GRIK4: variants seen among roughly 807,000 people sequenced by gnomAD.
GRIK4 encodes the protein glutamate ionotropic receptor kainate type subunit 4, also known as glutamate receptor ionotropic, kainate 4.
In GRIK4, 40 loss-of-function variants were observed where a neutral mutation model predicts 104.9. The observed-to-expected ratio is 0.38, with a 90% CI of 0.30 to 0.50. The LOEUF (loss-of-function observed/expected upper bound fraction) is 0.50. Ranked by LOEUF, GRIK4 falls within the 20% of genes least tolerant of loss-of-function variation. The pLI is 0.93. For missense variants in GRIK4, 1,047 were observed against 1,308.1 expected, an observed-to-expected ratio of 0.80 and a Z score of 3.08; for synonymous variants, 485 against 524.9, an observed-to-expected ratio of 0.92 and a Z score of 1.04.
At chr11:120,975,505 T>G (rs1404996558) in intron 19 of GRIK4, among the ~76,000 whole-genome samples, 1 of 152,210 alleles carries the variant, frequency 6.6e-6, no homozygotes, top group Non-Finnish European at 1.5e-5. Flanking sequence ...GGTGGCCCCA[T>G]GAGTCTGCAA....
In GRIK4 at chr11:120,953,722, C is replaced by A. The variant is rs1248711565; in HGVS notation, c.1700+758C>A. On this transcript the variant is annotated intron_variant, in intron 15 of 20. Transcript: ENST00000527524. This position sits in a 1 kb window ranked among gnomAD's most constrained non-coding sequence, Gnocchi z 4.9. ...TGTGGCCTCCCAAGACTGTGCACAGCAAAGGTAGTTTCGCTCCAGGCCAAG... is the reference window on the plus strand; with the variant it reads ...TGTGGCCTCCCAAGACTGTGCACAGAAAAGGTAGTTTCGCTCCAGGCCAAG... 6.6e-6 allele frequency among the ~76,000 whole-genome samples: 1 copy of A among 152,198 alleles called. No individual in the cohort carries two copies. The highest frequency in any genetic ancestry group is 1.5e-5 in the Non-Finnish European group (1 of 68,032).
chr11:120,565,169 C>T (rs1948304653), intron 1 of GRIK4, among the ~76,000 whole-genome samples: 2 of 152,130 alleles, frequency 1.3e-5, no homozygotes, highest in Admixed American at 6.5e-5. Context: ...TGCCTGCTCT[C>T]CTGCCAGCGC....
intron 3 of GRIK4, among the ~76,000 whole-genome samples, chr11:120,689,892 C>T (rs1222244154): frequency 6.6e-6 from 1 of 152,210 alleles, no homozygotes; most frequent in Non-Finnish European, 1.5e-5. Context: ...CACCACAGCT[C>T]CTTTGGTGCC....
chr11:120,598,883 G>A (rs541953835), intron 1 of GRIK4, among the ~76,000 whole-genome samples: 2 of 152,152 alleles, frequency 1.3e-5, no homozygotes, highest in Admixed American at 6.5e-5. Context: ...GTTAATGTCC[G>A]GTTGGCCAAA....
intron 6 of GRIK4, among the ~76,000 whole-genome samples, chr11:120,821,964 C>T (rs549538261): frequency 6.6e-6 from 1 of 152,240 alleles, no homozygotes; most frequent in Non-Finnish European, 1.5e-5. Flanking sequence ...AATCCCAACA[C>T]TTTGGAAGGC....
At chr11:120,713,545 A>G (rs540308321) in intron 3 of GRIK4, among the ~76,000 whole-genome samples, 1 of 152,352 alleles carries the variant, frequency 6.6e-6, no homozygotes, top group African/African-American at 2.4e-5. Flanking sequence ...GCTCTTTACC[A>G]GGCGAGGTTT....
chr11:120,647,838 C>T (rs1047773154), intron 1 of GRIK4, among the ~76,000 whole-genome samples: 1 of 152,206 alleles, frequency 6.6e-6, no homozygotes, highest in Non-Finnish European at 1.5e-5. Context: ...GGACATCCTA[C>T]TTCTCCAGGG....
chr11:120,828,953 G>C (rs924119611), intron 6 of GRIK4, among the ~76,000 whole-genome samples: 1 of 152,122 alleles, frequency 6.6e-6, no homozygotes, highest in African/African-American at 2.4e-5. Flanking sequence ...AAGCATCCCC[G>C]GCAGCCTCTG....
intron 3 of GRIK4, among the ~76,000 whole-genome samples, chr11:120,790,990 T>G (rs201517717): frequency 1.3e-5 from 2 of 152,210 alleles, no homozygotes; most frequent in East Asian, 3.8e-4. Context: ...CATTTGGACA[T>G]TTCTTACTAG....
intron 1 of GRIK4, among the ~76,000 whole-genome samples, chr11:120,577,571 T>A (rs1948501815): frequency 6.6e-6 from 1 of 152,008 alleles, no homozygotes; most frequent in African/African-American, 2.4e-5. Context: ...GGCAGATCAT[T>A]AAGATTTAAT....
At position 120,949,653 on chromosome 11, in the gene GRIK4, C is replaced by T. The variant is rs865831847; in HGVS notation, c.1591-3202C>T. Among the ~76,000 whole-genome samples the T allele has an allele frequency of 7.2e-5, 11 of 151,968 alleles. No individual in the cohort carries two copies. The South Asian group carries it at 8.4e-4, about 12-fold the overall frequency. ...GAGTTTGCTGGCATTGGGGAGAAGG[C>T]GTGGGATTAATTAGGGAATTTATTG... On this transcript the variant is annotated intron_variant, in intron 14 of 20. Coordinates refer to ENST00000527524, the MANE Select transcript of GRIK4 (RefSeq NM_014619.5).
intron 8 of GRIK4, among the ~76,000 whole-genome samples, chr11:120,842,785 G>A (rs1953750075): frequency 1.3e-5 from 2 of 152,250 alleles, no homozygotes; most frequent in African/African-American, 4.8e-5. Flanking sequence ...CCTTTGTTGT[G>A]CAAGACTGAT....
At chr11:120,637,668 C>T (rs1466652201) in intron 1 of GRIK4, among the ~76,000 whole-genome samples, 3 of 152,030 alleles carry the variant, frequency 2.0e-5, no homozygotes, top group Non-Finnish European at 2.9e-5. Context: ...TTATTTCTTG[C>T]GGCGATCTGA....
At position 120,726,009 on chromosome 11, in the gene GRIK4, C is replaced by G. The variant is rs529207089; in HGVS notation, c.82+65609C>G. 4.6e-5 allele frequency among the ~76,000 whole-genome samples: 7 copies of G among 152,284 alleles called. No individual in the cohort carries two copies. The South Asian group carries it at 1.5e-3, about 32-fold the overall frequency. Reference sequence around the variant, plus strand: ...CAAAATAGGTAGCACTTAGGGTATTCAGGAAGGCTTCTCTGAGTTATACCT... The same window carrying G: ...CAAAATAGGTAGCACTTAGGGTATTGAGGAAGGCTTCTCTGAGTTATACCT... On this transcript the variant is annotated intron_variant, in intron 3 of 20. Coordinates refer to ENST00000527524, the MANE Select transcript of GRIK4 (RefSeq NM_014619.5).
At chr11:120,628,455 G>A (rs2135178039) in intron 1 of GRIK4, among the ~76,000 whole-genome samples, 1 of 152,290 alleles carries the variant, frequency 6.6e-6, no homozygotes, top group East Asian at 1.9e-4. Flanking sequence ...GGGCCTCCCT[G>A]ACCACCAGAC....
intron 9 of GRIK4, chr11:120,868,534 G>GGC (rs375092716): frequency 1.3e-5 from 2 of 151,318 alleles, no homozygotes; most frequent in African/African-American, 4.9e-5. Context: ...TGGAAATGGG[G>GGC]GGGGGGGCGG....
chr11:120,885,389 T>C (rs1002592675), intron 11 of GRIK4, among the ~76,000 whole-genome samples: 11 of 151,718 alleles, frequency 7.3e-5, no homozygotes, highest in Admixed American at 2.0e-4. Context: ...AATTCTTCTT[T>C]TTTTTTTTTT....
intron 1 of GRIK4, among the ~76,000 whole-genome samples, chr11:120,514,373 C>T (rs1455629554): frequency 6.6e-6 from 1 of 152,182 alleles, no homozygotes; most frequent in Non-Finnish European, 1.5e-5. Flanking sequence ...CATTCATGAC[C>T]CAACAGAAAC....
intron 19 of GRIK4, among the ~76,000 whole-genome samples, chr11:120,973,535 T>C (rs190872120): frequency 1.3e-5 from 2 of 152,268 alleles, no homozygotes; most frequent in East Asian, 1.9e-4. Flanking sequence ...GAACAAGAGG[T>C]TGAGCTATAT....
Sources: allele counts gnomAD v4.1 joint callset (sites outside exome capture counted in the v4.1 genomes callset), GRCh38; gene constraint gnomAD v4.1.1; non-coding constraint Gnocchi (gnomAD v3.1); transcripts MANE v1.5; gene names NCBI Gene and HGNC (gene_info 2026-07-23, HGNC 2026-07-21).